ATAD1: variants seen among roughly 807,000 people sequenced by gnomAD.
ATAD1 encodes ATPase family AAA domain containing 1.
ATAD1 carries 18 observed loss-of-function variants against 42.7 expected under a neutral mutation model. That is an observed-to-expected ratio of 0.42 (90% CI 0.29 to 0.63). The LOEUF (loss-of-function observed/expected upper bound fraction) is 0.63, where lower values mean the gene tolerates loss of function less well. Among genes scored for constraint, ATAD1 ranks in the 20% least tolerant of loss-of-function variants. The pLI is 0.19. For missense variants in ATAD1, 294 were observed against 440.4 expected (o/e 0.67, Z 2.98); for synonymous variants, 132 against 143.1 (o/e 0.92, Z 0.55).
intron 2 of ATAD1, among the ~76,000 whole-genome samples, chr10:87,802,454 TAA>T (rs1359863031): frequency 2.0e-5 from 3 of 152,132 alleles, no homozygotes; most frequent in African/African-American, 7.2e-5. Context: ...GGCTTGGCTT[TAA>T]AAAAGTCTTA....
At chr10:87,813,821 TA>T (rs913905410) in intron 2 of ATAD1, among the ~76,000 whole-genome samples, 2 of 150,832 alleles carry the variant, frequency 1.3e-5, no homozygotes, top group Non-Finnish European at 1.5e-5. Context: ...AATTATTGTT[TA>T]AAAAAAAAGA....
intron 8 of ATAD1, among the ~76,000 whole-genome samples, chr10:87,760,978 A>G (rs1854456080): frequency 6.6e-6 from 1 of 152,184 alleles, no homozygotes; most frequent in Admixed American, 6.5e-5. Flanking sequence ...CTATCAATAA[A>G]ATAATTGTAA....
chr10:87,831,576 T>G (rs146347485), intron 1 of ATAD1, among the ~76,000 whole-genome samples: 1 of 152,328 alleles, frequency 6.6e-6, no homozygotes, highest in African/African-American at 2.4e-5. Context: ...TCATAAAGCC[T>G]ATTCTTCACT....
chr10:87,784,689 T>G lies in ATAD1; in HGVS notation c.383-19A>C, dbSNP rs762505482. 1.5e-5 allele frequency: 24 copies of G among 1,604,832 alleles called. 1 individual carries two copies. The South Asian group carries it at 2.7e-4, about 18-fold the overall frequency. On this transcript the variant is annotated intron_variant, in intron 4 of 9. Coordinates refer to ENST00000680024, the MANE Select transcript of ATAD1 (RefSeq NM_001321967.2). ...AGAACACCTGGAAATGAATATGTTA[T>G]TTATTACCTTTAAGGGGATATTTGC...
At chr10:87,830,996 C>A (rs1256602790) in intron 1 of ATAD1, among the ~76,000 whole-genome samples, 4 of 152,166 alleles carry the variant, frequency 2.6e-5, no homozygotes, top group Non-Finnish European at 5.9e-5. Flanking sequence ...AGAATGTTTG[C>A]TGTGGAATTA....
At chr10:87,767,425 G>A (rs1027198112) in intron 8 of ATAD1, among the ~76,000 whole-genome samples, 7 of 152,160 alleles carry the variant, frequency 4.6e-5, no homozygotes, top group Non-Finnish European at 7.3e-5. Flanking sequence ...GTTCACAATA[G>A]GGTTTGCAAT....
rs144085872 is a variant in ATAD1, at chr10:87,765,874, A to G, written c.831+1799T>C. Among the ~76,000 whole-genome samples, 27 of 152,124 alleles carry G rather than the reference A, an allele frequency of 1.8e-4. No individual in the cohort carries two copies. In the East Asian group the frequency reaches 4.8e-3, roughly 27 times the overall value. On this transcript the variant is annotated intron_variant, in intron 8 of 9. Transcript: ENST00000680024. The stretch of plus-strand genomic sequence containing the variant: ...AAGATACCATCTCAACAAAATAAAT[A>G]ACTAAATAAATAAACAGAATTAGCC...
chr10:87,776,922 AATT>A (rs1855331983), intron 5 of ATAD1, among the ~76,000 whole-genome samples: 1 of 152,212 alleles, frequency 6.6e-6, no homozygotes, highest in Non-Finnish European at 1.5e-5. Context: ...AAATATGTGC[AATT>A]ATTATGTCAA....
At chr10:87,777,919 T>C (rs1031248988) in intron 5 of ATAD1, among the ~76,000 whole-genome samples, 8 of 152,074 alleles carry the variant, frequency 5.3e-5, no homozygotes, top group Admixed American at 1.3e-4. Context: ...ATCTGTCCTA[T>C]CATTGGACTA....
intron 8 of ATAD1, among the ~76,000 whole-genome samples, chr10:87,760,179 G>C (rs907011748): frequency 6.6e-6 from 1 of 152,096 alleles, no homozygotes; most frequent in African/African-American, 2.4e-5. Context: ...CAAATGATGA[G>C]ACCCTGATAT....
chr10:87,754,567 T>C lies in ATAD1; in HGVS notation c.*120A>G. ...TCTCAATAACTTAGAATTCAGAGTATAAAACCATAAACACTGAGCTCCCTC... is the reference window on the plus strand; with the variant it reads ...TCTCAATAACTTAGAATTCAGAGTACAAAACCATAAACACTGAGCTCCCTC... On this transcript the variant is annotated 3_prime_UTR_variant, in exon 10 of 10. Coordinates refer to ENST00000680024, the MANE Select transcript of ATAD1 (RefSeq NM_001321967.2). 8.3e-7 allele frequency: 1 copy of C among 1,209,136 alleles called. No homozygotes were observed. The highest frequency in any genetic ancestry group is 2.5e-5 in the Admixed American group (1 of 40,568). 74.9% of individuals were successfully genotyped at this position (1,209,136 alleles called of 1,614,324 possible). A position where few individuals can be genotyped will look rare whatever the true frequency, so the allele number is the denominator to read the frequency against.
intron 1 of ATAD1, among the ~76,000 whole-genome samples, chr10:87,838,294 A>C (rs775981575): frequency 4.6e-5 from 7 of 151,976 alleles, no homozygotes; most frequent in Non-Finnish European, 7.4e-5. Context: ...TAGAAGGCCG[A>C]GGTGGTCGGA....
intron 4 of ATAD1, among the ~76,000 whole-genome samples, chr10:87,785,815 C>T (rs1333048642): frequency 6.6e-6 from 1 of 151,756 alleles, no homozygotes; most frequent in Non-Finnish European, 1.5e-5. Context: ...TGTTCAAGCT[C>T]TTCCTCAAGC....
At chr10:87,831,002 A>G (rs1433931689) in intron 1 of ATAD1, among the ~76,000 whole-genome samples, 1 of 152,174 alleles carries the variant, frequency 6.6e-6, no homozygotes, top group African/African-American at 2.4e-5. Context: ...TTTGCTGTGG[A>G]ATTAGATGTC....
At chr10:87,769,851 C>T (rs999318029) in intron 7 of ATAD1, among the ~76,000 whole-genome samples, 4 of 151,874 alleles carry the variant, frequency 2.6e-5, no homozygotes, top group Admixed American at 6.6e-5. Flanking sequence ...GAGGCTGAGG[C>T]GGGCTCGCTT....
At chr10:87,761,449 C>G (rs35254974) in intron 8 of ATAD1, among the ~76,000 whole-genome samples, 44,616 of 151,886 alleles carry the variant, frequency 0.29, 6,763 homozygotes, top group Non-Finnish European at 0.31. Flanking sequence ...ATCTCTTGAG[C>G]TCAGGAGTTC....
chr10:87,757,746 C>A (rs1854289072), intron 8 of ATAD1, among the ~76,000 whole-genome samples: 1 of 152,254 alleles, frequency 6.6e-6, no homozygotes, highest in Admixed American at 6.5e-5. Context: ...TGAAATGACA[C>A]CTTATAGTTA....
upstream of ATAD1, among the ~76,000 whole-genome samples, chr10:87,820,548 A>G (rs1433782298): frequency 1.3e-5 from 2 of 152,224 alleles, no homozygotes; most frequent in Non-Finnish European, 2.9e-5. Context: ...TGGAGTTCCC[A>G]GTATGGTTAC....
chr10:87,782,826 G>A (rs554215653), intron 5 of ATAD1, among the ~76,000 whole-genome samples: 3 of 151,962 alleles, frequency 2.0e-5, no homozygotes, highest in South Asian at 2.1e-4. Flanking sequence ...GTGAGACTTC[G>A]TCTCTACAAA....
Sources: gnomAD v4.1 joint callset for allele counts (sites outside exome capture counted in the v4.1 genomes callset) on GRCh38, gnomAD v4.1.1 for gene constraint, MANE v1.5 for transcripts, NCBI Gene and HGNC (gene_info 2026-07-23, HGNC 2026-07-21) for gene names.